The following DACH1 variants were observed in gnomAD, a reference collection of about 807,000 sequenced individuals.
The protein encoded by DACH1 is dachshund homolog 1.
DACH1 carries 12 observed loss-of-function variants against 54.2 expected under a neutral mutation model. The ratio of observed to expected loss-of-function variants is 0.22; its 90% CI spans 0.14 to 0.36. The LOEUF is 0.36. DACH1 is among the 10% of genes least tolerant of loss of function. The probability of loss-of-function intolerance (pLI) is 1.00; values close to 1 mark genes in which losing one functional copy is unlikely to be tolerated. For synonymous variants in DACH1, 386 were observed against 366.2 expected, an observed-to-expected ratio of 1.05 and a Z score of -0.62; for missense variants, 805 against 929.8, an observed-to-expected ratio of 0.87 and a Z score of 1.75.
At chr13:71,443,487 T>C (rs1015865465) in intron 10 of DACH1, among the ~76,000 whole-genome samples, 1 of 152,138 alleles carries the variant, frequency 6.6e-6, no homozygotes, top group Non-Finnish European at 1.5e-5. Flanking sequence ...AGCTTTTCAG[T>C]TCAGCAGTCA....
intron 6 of DACH1, among the ~76,000 whole-genome samples, chr13:71,529,255 C>T (rs1166697616): frequency 2.1e-5 from 3 of 146,206 alleles, no homozygotes; most frequent in South Asian, 2.2e-4. Context: ...GGTGCGATCT[C>T]GGCTCACTGC....
intron 1 of DACH1, among the ~76,000 whole-genome samples, chr13:71,793,164 G>A (rs1003898645): frequency 6.6e-6 from 1 of 152,126 alleles, no homozygotes; most frequent in Non-Finnish European, 1.5e-5. Flanking sequence ...TAGTTAAGCA[G>A]AAATTGTGAA....
At chr13:71,721,025 A>T (rs1372587242) in intron 1 of DACH1, among the ~76,000 whole-genome samples, 2 of 152,176 alleles carry the variant, frequency 1.3e-5, no homozygotes, top group African/African-American at 4.8e-5. Context: ...AAACAACAAT[A>T]ATAATATTGG....
intron 1 of DACH1, among the ~76,000 whole-genome samples, chr13:71,754,260 C>G (rs1205607): frequency 0.64 from 97,250 of 152,050 alleles, 35,238 homozygotes; most frequent in Non-Finnish European, 0.84. Context: ...TCTGGCATCG[C>G]CCATGGCTCT....
At chr13:71,720,284 G>A (rs1280934549) in intron 1 of DACH1, among the ~76,000 whole-genome samples, 1 of 152,160 alleles carries the variant, frequency 6.6e-6, no homozygotes, top group Non-Finnish European at 1.5e-5. Flanking sequence ...GAGGCTGGCA[G>A]ACATTTGGAC....
chr13:71,783,588 C>T (rs978764640), intron 1 of DACH1, among the ~76,000 whole-genome samples: 6 of 152,056 alleles, frequency 3.9e-5, no homozygotes, highest in Middle Eastern at 6.8e-3. Context: ...AAACGATAAC[C>T]AACGATACCT....
intron 1 of DACH1, among the ~76,000 whole-genome samples, chr13:71,847,445 A>G (rs2138253544): frequency 6.6e-6 from 1 of 152,320 alleles, no homozygotes; most frequent in Admixed American, 6.5e-5. Context: ...ATAGATACAA[A>G]ACTATACACC....
chr13:71,732,560 C>T (rs1191267276), intron 1 of DACH1, among the ~76,000 whole-genome samples: 3 of 144,736 alleles, frequency 2.1e-5, no homozygotes, highest in South Asian at 4.4e-4. Context: ...ACTCCAGCCT[C>T]GGTGACAAGA....
chr13:71,625,651 C>T (rs1466455840), intron 3 of DACH1, among the ~76,000 whole-genome samples: 1 of 151,866 alleles, frequency 6.6e-6, no homozygotes, highest in South Asian at 2.1e-4. Flanking sequence ...TTACTTGAAA[C>T]TTCTACATTC....
chr13:71,465,232 C>T (rs1200085869), intron 10 of DACH1, among the ~76,000 whole-genome samples: 6 of 152,060 alleles, frequency 3.9e-5, no homozygotes, highest in Admixed American at 2.0e-4. Context: ...TAATAACACA[C>T]TTTCCATAAC....
At chr13:71,832,985 A>AT (rs1010587867) in intron 1 of DACH1, among the ~76,000 whole-genome samples, 4 of 151,772 alleles carry the variant, frequency 2.6e-5, no homozygotes, top group South Asian at 2.1e-4. Context: ...TTTTATTTTT[A>AT]TTTTTATTTT....
chr13:71,754,183 T>C (rs1328577214), intron 1 of DACH1, among the ~76,000 whole-genome samples: 2 of 152,150 alleles, frequency 1.3e-5, no homozygotes, highest in Admixed American at 1.3e-4. Context: ...ATTAGTGCTT[T>C]AAAATGGAGG....
intron 7 of DACH1, among the ~76,000 whole-genome samples, chr13:71,488,185 A>G (rs901284812): frequency 2.6e-5 from 4 of 152,294 alleles, no homozygotes; most frequent in South Asian, 4.1e-4. Flanking sequence ...GTTAGAGTAA[A>G]AGAATTTTTC....
At chr13:71,571,260 T>C (rs767011794) in intron 4 of DACH1, among the ~76,000 whole-genome samples, 9 of 152,158 alleles carry the variant, frequency 5.9e-5, no homozygotes, top group Non-Finnish European at 1.3e-4. Context: ...ACTTAGTACC[T>C]TGTAATATTT....
At chr13:71,471,877 A>G (rs1185599728) in intron 10 of DACH1, among the ~76,000 whole-genome samples, 3 of 152,216 alleles carry the variant, frequency 2.0e-5, no homozygotes, top group East Asian at 1.9e-4. Context: ...AGATTTGGCT[A>G]CATAAAATGT....
At chr13:71,798,293 A>G (rs1310884599) in intron 1 of DACH1, among the ~76,000 whole-genome samples, 4 of 143,934 alleles carry the variant, frequency 2.8e-5, no homozygotes, top group Non-Finnish European at 6.1e-5. Flanking sequence ...TGAACTATGA[A>G]AGATGATTTT....
At chr13:71,618,355 T>C (rs958277065) in intron 3 of DACH1, among the ~76,000 whole-genome samples, 1 of 152,102 alleles carries the variant, frequency 6.6e-6, no homozygotes, top group African/African-American at 2.4e-5. Context: ...TGCTGAGTTA[T>C]GCTTTGTGGT....
In DACH1 at chr13:71,776,584, C is replaced by T. The variant is rs941814443; in HGVS notation, c.848+89338G>A. Among the ~76,000 whole-genome samples, 21 of 152,140 alleles carry T rather than the reference C, an allele frequency of 1.4e-4. No homozygotes were observed. In the East Asian group the frequency reaches 2.5e-3, roughly 18 times the overall value. ...GCAATAAAAAAGGAGAAATAACAGT[C>T]TTAATTCCTAAGAGTCCCTGGATCA... On this transcript the variant is annotated intron_variant, in intron 1 of 10. Transcript: ENST00000613252.
chr13:71,726,853 T>G (rs947770419), intron 1 of DACH1, among the ~76,000 whole-genome samples: 5 of 152,028 alleles, frequency 3.3e-5, no homozygotes. Context: ...TAGTAAAGTT[T>G]TAATAACTTT....
Sources: allele counts gnomAD v4.1 joint callset (sites outside exome capture counted in the v4.1 genomes callset), GRCh38; gene constraint gnomAD v4.1.1; transcripts MANE v1.5; gene names NCBI Gene and HGNC (gene_info 2026-07-23, HGNC 2026-07-21).